Variants in SMYD2 observed in about 807,000 individuals in gnomAD.
SMYD2 encodes SET and MYND domain containing 2, also known as N-lysine methyltransferase SMYD2.
In SMYD2, 53 loss-of-function variants were observed where a neutral mutation model predicts 59.1. That is an observed-to-expected ratio of 0.90 (90% confidence interval 0.72 to 1.13). SMYD2 has a LOEUF of 1.13. Among genes scored for constraint, SMYD2 ranks in the 50% most tolerant of loss-of-function variants. The pLI is 0.00. For missense variants in SMYD2, 494 were observed against 544.7 expected (o/e 0.91, Z 0.93); for synonymous variants, 208 against 198.8 (o/e 1.05, Z -0.39).
At position 214,312,864 on chromosome 1, in the gene SMYD2, T is replaced by G. The variant is rs1415445006; in HGVS notation, c.238-1898T>G. Among the ~76,000 whole-genome samples, 1 of 152,120 alleles carries G rather than the reference T, an allele frequency of 6.6e-6. No homozygotes were observed. Among genetic ancestry groups the G allele is most frequent in the African/African-American group, 2.4e-5 (1 of 41,412 alleles). On this transcript the variant is annotated intron_variant, in intron 2 of 11. Transcript: ENST00000366957. This position sits in a 1 kb window ranked among gnomAD's most constrained non-coding sequence, Gnocchi z 4.1. Reference sequence around the variant, plus strand: ...AGCTGAGGACTGGCCTGATCCGAGTTTTGTCAACAGAATCCCTCAGGCTGC... The same window carrying G: ...AGCTGAGGACTGGCCTGATCCGAGTGTTGTCAACAGAATCCCTCAGGCTGC...
intron 7 of SMYD2, among the ~76,000 whole-genome samples, chr1:214,329,321 T>A (rs762984164): frequency 6.6e-6 from 1 of 152,028 alleles, no homozygotes; most frequent in Non-Finnish European, 1.5e-5. Flanking sequence ...CTCCCCTGCC[T>A]GCCTGGTGGT....
In SMYD2 at chr1:214,281,181, G is replaced by A; in HGVS notation, c.-74G>A. On this transcript the variant is annotated 5_prime_UTR_variant, in exon 1 of 12. In the 5' UTR this introduces an upstream ATG that the reference lacks. Transcript: ENST00000366957. ...CCCACCCCGCCCCCCGCAGCTCTAG[G>A]TGACGCGTCTCCAATAACAGCTCGC... 8.9e-7 allele frequency: 1 copy of A among 1,123,102 alleles called. No homozygotes were observed. Among genetic ancestry groups the A allele is most frequent in the Non-Finnish European group, 1.1e-6 (1 of 894,806 alleles). The allele number at this position is 1,123,102 out of a possible 1,614,324, so 69.6% of individuals were successfully genotyped here.
In SMYD2 at chr1:214,332,158, C is replaced by T. The variant is rs780958680; in HGVS notation, c.1078C>T (p.Leu360=). The part of the protein sequence containing the change: ...CLYMQDWEGA[L]QYGQKIIKPY... The stretch of plus-strand genomic sequence containing the variant: ...GTACATGCAGGACTGGGAAGGAGCC[C>T]TGCAATATGGACAGAAAATCATTAA... Residue 360 remains leucine (L), a synonymous_variant, in exon 10 of 12, where the codon CTG becomes TTG. Coordinates refer to ENST00000366957, the MANE Select transcript of SMYD2 (RefSeq NM_020197.3). 30 of 1,614,010 alleles carry T rather than the reference C, an allele frequency of 1.9e-5. No homozygotes were observed. Among genetic ancestry groups the T allele is most frequent in the Non-Finnish European group, 2.4e-5 (28 of 1,180,008 alleles).
intron 11 of SMYD2, among the ~76,000 whole-genome samples, chr1:214,335,733 G>A (rs1346970238): frequency 6.6e-6 from 1 of 152,166 alleles, no homozygotes; most frequent in Non-Finnish European, 1.5e-5. Flanking sequence ...CAGTTTTACA[G>A]TTCAGGAAAA....
intron 1 of SMYD2, among the ~76,000 whole-genome samples, chr1:214,282,411 A>G (rs1021551807): frequency 6.6e-6 from 1 of 152,240 alleles, no homozygotes; most frequent in Non-Finnish European, 1.5e-5. Context: ...TTACTAAGGC[A>G]GGAGGCATGG....
chr1:214,307,432 G>A (rs953120527), intron 2 of SMYD2, among the ~76,000 whole-genome samples: 2 of 152,224 alleles, frequency 1.3e-5, no homozygotes, highest in African/African-American at 4.8e-5. Flanking sequence ...AAACAGCATA[G>A]TTTTGATTTA....
chr1:214,294,477 G>A (rs1050795849), intron 1 of SMYD2, among the ~76,000 whole-genome samples: 3 of 152,210 alleles, frequency 2.0e-5, no homozygotes, highest in Non-Finnish European at 2.9e-5. Flanking sequence ...AGCCCAGCCT[G>A]GCCAACATGG....
rs1299775069 is a variant in SMYD2, at chr1:214,336,798, T to G, written c.*14T>G. 2 of 1,607,912 alleles carry G rather than the reference T, an allele frequency of 1.2e-6. No individual in the cohort carries two copies. Among genetic ancestry groups the G allele is most frequent in the African/African-American group, 2.7e-5 (2 of 74,772 alleles). ...GAAAGCCACTGAAACTATGCAGCAT[T>G]TCAGTTTTCATTTAAACACTTAGTT... is the stretch of plus-strand genomic sequence containing the variant. On this transcript the variant is annotated 3_prime_UTR_variant, in exon 12 of 12. Transcript: ENST00000366957.
intron 1 of SMYD2, among the ~76,000 whole-genome samples, chr1:214,299,628 T>C (rs1247025007): frequency 1.3e-5 from 2 of 151,956 alleles, no homozygotes; most frequent in Non-Finnish European, 2.9e-5. Context: ...TTGTTGTTGT[T>C]GAGACAGACT....
chr1:214,281,354 T>C lies in SMYD2; in HGVS notation c.100T>C (p.Phe34Leu), dbSNP rs1463682066. Residue 34 changes from phenylalanine (F) to leucine (L), a missense_variant, in exon 1 of 12, where the codon TTC (phenylalanine) becomes CTC (leucine). Phe to Leu is a conservative substitution (Grantham distance 22, BLOSUM62 0). Transcript: ENST00000366957. ...LQPFQVGDLLFSCPAYAYVLT... is the reference protein window; with the variant it reads ...LQPFQVGDLLLSCPAYAYVLT... ...GCCCTTCCAGGTGGGGGACTTGCTG[T>C]TCTCCTGCCCGGCCTATGCCTACGT... is the stretch of plus-strand genomic sequence containing the variant. 6.9e-7 allele frequency: 1 copy of C among 1,452,684 alleles called. No homozygotes were observed. The highest frequency in any genetic ancestry group is 1.5e-5 in the African/African-American group (1 of 68,720). The allele number at this position is 1,452,684 out of a possible 1,614,324, so 90.0% of individuals were successfully genotyped here.
In SMYD2 at chr1:214,318,856, C is replaced by T. The variant is rs1657126727; in HGVS notation, c.410-3C>T. ...GGGTGAATAATGGATTATTTATCCACAGATCTGGATAAGTTAGACAATGAG... is the reference window on the plus strand; with the variant it reads ...GGGTGAATAATGGATTATTTATCCATAGATCTGGATAAGTTAGACAATGAG... On this transcript the variant is annotated splice_region_variant and splice_polypyrimidine_tract_variant and intron_variant, in intron 4 of 11. Coordinates refer to ENST00000366957, the MANE Select transcript of SMYD2 (RefSeq NM_020197.3). This position sits in a 1 kb window ranked among gnomAD's most constrained non-coding sequence, Gnocchi z 5.4. The T allele has an allele frequency of 6.2e-7, 1 of 1,613,298 alleles. No homozygotes were observed. The highest frequency in any genetic ancestry group is 1.3e-5 in the African/African-American group (1 of 74,766).
Position 214,281,299 on chromosome 1 carries a change from G to A in SMYD2, c.45G>A (p.Pro15=), listed in dbSNP as rs780664281. 8.9e-5 allele frequency: 121 copies of A among 1,358,730 alleles called. 1 individual carries two copies. In the East Asian group the frequency reaches 3.2e-3, roughly 36 times the overall value. 84.2% of individuals were successfully genotyped at this position (1,358,730 alleles called of 1,614,324 possible). A position where few individuals can be genotyped will look rare whatever the true frequency, so the allele number is the denominator to read the frequency against. ...GCGGCCTGGAGCGCTTCTGCAGCCC[G>A]GGCAAAGGCCGGGGGCTGCGGGCTC... is the stretch of plus-strand genomic sequence containing the variant. ...GLGGLERFCS[P]GKGRGLRALQ... is the part of the protein sequence containing the mutation. Residue 15 remains proline (P), a synonymous_variant, in exon 1 of 12, where the codon CCG becomes CCA. Coordinates refer to ENST00000366957, the MANE Select transcript of SMYD2 (RefSeq NM_020197.3).
rs1384777995 is a variant in SMYD2, at chr1:214,318,931, C to G, written c.482C>G (p.Ser161Cys). The change falls in exon 5 of 12, where the codon TCC becomes TGC. Residue 161 changes from serine to cysteine, a missense_variant. Physicochemically the swap from Ser to Cys is moderately radical, Grantham distance 112 (BLOSUM62 -1). Coordinates refer to ENST00000366957, the MANE Select transcript of SMYD2 (RefSeq NM_020197.3). This position sits in a 1 kb window ranked among gnomAD's most constrained non-coding sequence, Gnocchi z 5.4. ...ATAGCTGCTCTCCATCACTTTTACT[C>G]CAAGCATCTCGGATTCCCTGACAAT... ...SDIAALHHFY[S>C]KHLGFPDNDS... The G allele has an allele frequency of 6.2e-7, 1 of 1,614,038 alleles. No individual in the cohort carries two copies. Among genetic ancestry groups the G allele is most frequent in the Non-Finnish European group, 8.5e-7 (1 of 1,179,956 alleles).
At chr1:214,319,520 G>T (rs1167614629) in intron 5 of SMYD2, among the ~76,000 whole-genome samples, 3 of 152,136 alleles carry the variant, frequency 2.0e-5, no homozygotes, top group Non-Finnish European at 4.4e-5. Context: ...AGAAGTCTAG[G>T]TTTACCAAAA....
At position 214,329,599 on chromosome 1, in the gene SMYD2, C is replaced by G. The variant is rs544405141; in HGVS notation, c.706-569C>G. Among the ~76,000 whole-genome samples the G allele has an allele frequency of 7.2e-5, 11 of 152,322 alleles. No individual in the cohort carries two copies. In the South Asian group the frequency reaches 2.3e-3, roughly 32 times the overall value. Reference sequence around the variant, plus strand: ...AGCTGCCCGCTGGGCCAGGCCGCAGCATTCTGGTGTCCTAGAAGATGTGTT... The same window carrying G: ...AGCTGCCCGCTGGGCCAGGCCGCAGGATTCTGGTGTCCTAGAAGATGTGTT... On this transcript the variant is annotated intron_variant, in intron 7 of 11. Coordinates refer to ENST00000366957, the MANE Select transcript of SMYD2 (RefSeq NM_020197.3).
chr1:214,285,518 A>G (rs1423667604), intron 1 of SMYD2, among the ~76,000 whole-genome samples: 1 of 152,234 alleles, frequency 6.6e-6, no homozygotes, highest in African/African-American at 2.4e-5. Context: ...ATGCTCTAAT[A>G]AAGGGGTTCC....
chr1:214,281,369 T>C lies in SMYD2; in HGVS notation c.115T>C (p.Tyr39His). 1 of 1,459,598 alleles carries C rather than the reference T, an allele frequency of 6.9e-7. No homozygotes were observed. Among genetic ancestry groups the C allele is most frequent in the Non-Finnish European group, 9.1e-7 (1 of 1,097,916 alleles). The allele number at this position is 1,459,598 out of a possible 1,614,324, so 90.4% of individuals were successfully genotyped here. A position where few individuals can be genotyped will look rare whatever the true frequency, so the allele number is the denominator to read the frequency against. Residue 39 changes from tyrosine (Y) to histidine (H), a missense_variant, in exon 1 of 12, where the codon TAT (tyrosine) becomes CAT (histidine). Tyr to His is a moderately conservative substitution (Grantham distance 83, BLOSUM62 2). Coordinates refer to ENST00000366957, the MANE Select transcript of SMYD2 (RefSeq NM_020197.3). ...VGDLLFSCPA[Y>H]AYVLTVNERG... ...GGACTTGCTGTTCTCCTGCCCGGCC[T>C]ATGCCTACGTGCTCACGGTCAACGA...
rs1256951053 is a variant in SMYD2 at position 214,312,295 on chromosome 1, G to A, written c.238-2467G>A. 3.9e-5 allele frequency among the ~76,000 whole-genome samples: 6 copies of A among 152,166 alleles called. No individual in the cohort carries two copies. The highest frequency in any genetic ancestry group is 3.9e-4 in the Admixed American group (6 of 15,272). On this transcript the variant is annotated intron_variant, in intron 2 of 11. Transcript: ENST00000366957. This position sits in a 1 kb window ranked among gnomAD's most constrained non-coding sequence, Gnocchi z 4.1. Reference sequence around the variant, plus strand: ...ATCAGTGTGGAGGGAAGCGGGTAGGGAGATATCTTCATTCCTTCAACAACT... The same window carrying A: ...ATCAGTGTGGAGGGAAGCGGGTAGGAAGATATCTTCATTCCTTCAACAACT...
chr1:214,330,351 G>T, intron 8 of SMYD2, 73 bp downstream of exon 8: 2 of 1,016,634 alleles, frequency 2.0e-6, no homozygotes, highest in South Asian at 1.6e-5. Flanking sequence ...GAGCTTGTCT[G>T]ACTTGGCGGA....
Sources: allele counts gnomAD v4.1 joint callset (sites outside exome capture counted in the v4.1 genomes callset), GRCh38; gene constraint gnomAD v4.1.1; non-coding constraint Gnocchi (gnomAD v3.1); transcripts MANE v1.5; gene names NCBI Gene and HGNC (gene_info 2026-07-23, HGNC 2026-07-21).